DPP10: variants seen among roughly 807,000 people sequenced by gnomAD.
DPP10 encodes inactive dipeptidyl peptidase 10.
Under a neutral mutation model 120.9 loss-of-function variants are expected in DPP10, and 33 were observed. The ratio of observed to expected loss-of-function variants is 0.27; its 90% confidence interval spans 0.21 to 0.37. DPP10 has a LOEUF of 0.37. DPP10 is among the 10% of genes least tolerant of loss of function. The pLI is 1.00. For synonymous variants in DPP10, 337 were observed against 326.1 expected, an observed-to-expected ratio of 1.03 and a Z score of -0.36; for missense variants, 816 against 942.8, an observed-to-expected ratio of 0.87 and a Z score of 1.76.
chr2:115,671,654 A>G (rs1362793180), intron 5 of DPP10, among the ~76,000 whole-genome samples: 2 of 152,140 alleles, frequency 1.3e-5, no homozygotes, highest in Non-Finnish European at 2.9e-5. Flanking sequence ...TGTAGCTTGC[A>G]TTCTATTAGA....
intron 1 of DPP10, among the ~76,000 whole-genome samples, chr2:114,673,482 C>T (rs1272547443): frequency 6.6e-6 from 1 of 151,770 alleles, no homozygotes; most frequent in Non-Finnish European, 1.5e-5. Flanking sequence ...TGGAGTCTTG[C>T]TCTGTCACCT....
intron 3 of DPP10, among the ~76,000 whole-genome samples, chr2:115,344,888 A>G (rs2063633596): frequency 6.6e-6 from 1 of 152,214 alleles, no homozygotes. Context: ...TTGCCTTTTC[A>G]TATAATAAAG....
chr2:115,536,465 G>T (rs1163280200), intron 5 of DPP10, among the ~76,000 whole-genome samples: 2 of 151,804 alleles, frequency 1.3e-5, no homozygotes, highest in Non-Finnish European at 2.9e-5. Context: ...GTCCTGCAAC[G>T]AACACTAATA....
intron 1 of DPP10, among the ~76,000 whole-genome samples, chr2:114,791,133 A>C (rs1197189449): frequency 1.2e-4 from 18 of 152,224 alleles, no homozygotes. Context: ...ATGTTAGGTC[A>C]TACCAAACAG....
chr2:114,667,559 A>G (rs906521199), intron 1 of DPP10, among the ~76,000 whole-genome samples: 4 of 152,178 alleles, frequency 2.6e-5, no homozygotes, highest in African/African-American at 9.6e-5. Context: ...TTCTGTTGAA[A>G]TTTGCCTTCA....
At chr2:115,818,302 G>A (rs1267549666) in intron 21 of DPP10, among the ~76,000 whole-genome samples, 1 of 152,158 alleles carries the variant, frequency 6.6e-6, no homozygotes, top group Non-Finnish European at 1.5e-5. Flanking sequence ...AGTTAATAGA[G>A]TAAATTTTAT....
chr2:114,776,379 G>T (rs1410168771), intron 1 of DPP10, among the ~76,000 whole-genome samples: 1 of 152,028 alleles, frequency 6.6e-6, no homozygotes, highest in Non-Finnish European at 1.5e-5. Context: ...GACCTTTGCT[G>T]CTTATGTAGA....
At chr2:115,282,918 C>T (rs2060218681) in intron 1 of DPP10, among the ~76,000 whole-genome samples, 1 of 151,778 alleles carries the variant, frequency 6.6e-6, no homozygotes, top group Admixed American at 6.6e-5. Context: ...TGTTTTTGTC[C>T]CTTTTACTGA....
chr2:115,490,786 A>T (rs1379900856), intron 3 of DPP10, among the ~76,000 whole-genome samples: 1 of 152,212 alleles, frequency 6.6e-6, no homozygotes, highest in East Asian at 1.9e-4. Context: ...ATTAAAAAAT[A>T]TTCTGACACT....
Position 115,344,236 on chromosome 2 carries a change from T to C in DPP10, c.271+324T>C, listed in dbSNP as rs527501873. On this transcript the variant is annotated intron_variant, in intron 3 of 25. Coordinates refer to ENST00000410059, the MANE Select transcript of DPP10 (RefSeq NM_020868.6). ...TTATTTAAATTAAAACCTTGGTTCT[T>C]GTGAGAGAAAATCAATTCCTAAGAT... Among the ~76,000 whole-genome samples the C allele has an allele frequency of 2.0e-5, 3 of 152,260 alleles. No individual in the cohort carries two copies. The South Asian group carries it at 6.2e-4, about 32-fold the overall frequency.
chr2:115,565,779 G>GA (rs2080970765), intron 5 of DPP10, among the ~76,000 whole-genome samples: 1 of 101,562 alleles, frequency 9.8e-6, no homozygotes, highest in South Asian at 3.2e-4. Flanking sequence ...GTTTTTTTTT[G>GA]TTTTTTTTTG....
At chr2:115,218,531 T>C (rs1007158024) in intron 1 of DPP10, among the ~76,000 whole-genome samples, 3 of 152,180 alleles carry the variant, frequency 2.0e-5, no homozygotes, top group Non-Finnish European at 4.4e-5. Context: ...CTGACATAGA[T>C]TCAAAGGAGA....
At chr2:114,775,966 A>C (rs879218051) in intron 1 of DPP10, among the ~76,000 whole-genome samples, 1 of 152,152 alleles carries the variant, frequency 6.6e-6, no homozygotes, top group African/African-American at 2.4e-5. Flanking sequence ...ATGGAGGCAC[A>C]TGGGAAGGAC....
chr2:115,602,461 T>G (rs1342973314), intron 5 of DPP10, among the ~76,000 whole-genome samples: 1 of 152,262 alleles, frequency 6.6e-6, no homozygotes, highest in East Asian at 1.9e-4. Context: ...TTCTGTGTCC[T>G]ATAAAGGAAA....
In DPP10 at chr2:115,689,933, C is replaced by T. The variant is rs773315070; in HGVS notation, c.576+12C>T. On this transcript the variant is annotated intron_variant, in intron 7 of 25. Coordinates refer to ENST00000410059, the MANE Select transcript of DPP10 (RefSeq NM_020868.6). ...AAGGGCAGCAGCTGGTAAGCGCAGG[C>T]ATTGGTATGCACTGAACACTGCCAA... 2 of 1,613,302 alleles carry T rather than the reference C, an allele frequency of 1.2e-6. No individual in the cohort carries two copies. The highest frequency in any genetic ancestry group is 2.2e-5 in the South Asian group (2 of 91,046).
chr2:114,769,793 G>A (rs1681086971), intron 1 of DPP10, among the ~76,000 whole-genome samples: 2 of 151,994 alleles, frequency 1.3e-5, no homozygotes, highest in Non-Finnish European at 2.9e-5. Context: ...ACATACACAG[G>A]GAGTTAAGGT....
chr2:115,532,114 C>T (rs917997653), intron 5 of DPP10, among the ~76,000 whole-genome samples: 3 of 152,056 alleles, frequency 2.0e-5, no homozygotes, highest in African/African-American at 7.2e-5. Flanking sequence ...CCATCCATTA[C>T]TCTGCTTCTT....
rs539431679 is a variant in DPP10, at chr2:115,069,268, A to G, written c.61-239971A>G. On this transcript the variant is annotated intron_variant, in intron 1 of 25. Transcript: ENST00000410059. ...ACAGATCTTTTATCTCCTTTGCTCA[A>G]TCTATTCCTAAATCTGTTTTAAATG... Among the ~76,000 whole-genome samples the G allele has an allele frequency of 4.5e-4, 69 of 152,048 alleles. No individual in the cohort carries two copies. In the South Asian group the frequency reaches 0.014, roughly 31 times the overall value.
At chr2:115,269,969 A>T (rs538090466) in intron 1 of DPP10, among the ~76,000 whole-genome samples, 1 of 151,798 alleles carries the variant, frequency 6.6e-6, no homozygotes, top group South Asian at 2.1e-4. Flanking sequence ...CAGGGGATTT[A>T]TTTGGCTGTG....
Sources: gnomAD v4.1 joint callset for allele counts (sites outside exome capture counted in the v4.1 genomes callset) on GRCh38, gnomAD v4.1.1 for gene constraint, MANE v1.5 for transcripts, NCBI Gene and HGNC (gene_info 2026-07-23, HGNC 2026-07-21) for gene names.